The following BLOC1S3 variants were observed in gnomAD, a reference collection of about 807,000 sequenced individuals.
BLOC1S3 encodes the protein biogenesis of lysosomal organelles complex 1 subunit 3.
In BLOC1S3, 7 loss-of-function variants were observed where a neutral mutation model predicts 9.1. The ratio of observed to expected loss-of-function variants is 0.77; its 90% CI spans 0.44 to 1.45. BLOC1S3 has a LOEUF of 1.45. Ranked by LOEUF, BLOC1S3 falls within the 40% of genes most tolerant of loss-of-function variation. The pLI is 0.01. For synonymous variants in BLOC1S3, 145 were observed against 158.4 expected (o/e 0.92, Z 0.64); for missense variants, 307 against 315.2 (o/e 0.97, Z 0.20).
intron 3 of BLOC1S3, among the ~76,000 whole-genome samples, chr19:45,210,755 A>G (rs961097850): frequency 1.3e-5 from 2 of 152,190 alleles, no homozygotes; most frequent in Admixed American, 6.6e-5. Flanking sequence ...CACTGTGCCC[A>G]GCCAAAAGCT....
At chr19:45,211,515 A>G (rs1599757906) in intron 3 of BLOC1S3, among the ~76,000 whole-genome samples, 1 of 151,912 alleles carries the variant, frequency 6.6e-6, no homozygotes, top group African/African-American at 2.4e-5. Flanking sequence ...TGACTGAAAA[A>G]AAAAAAAAAA....
chr19:45,210,071 T>C (rs933745903), intron 3 of BLOC1S3, among the ~76,000 whole-genome samples: 1 of 141,668 alleles, frequency 7.1e-6, no homozygotes, highest in Admixed American at 6.8e-5. Context: ...CAAAACAAAA[T>C]TATGCACATG....
rs116505156 is a variant in BLOC1S3, at chr19:45,214,366, G to A, written n.283-2310G>A. ...CCCAAATAGCACTGCAAGGACTGGC[G>A]TTGCTCCGGCAGCCACCACCACTGC... On this transcript the variant is annotated intron_variant and non_coding_transcript_variant, in intron 3 of 3. Coordinates refer to the BLOC1S3 transcript ENST00000591569. 8.4e-3 allele frequency among the ~76,000 whole-genome samples: 1,281 copies of A among 152,264 alleles called. 12 individuals are homozygous for A. The highest frequency in any genetic ancestry group is 0.029 in the African/African-American group (1,222 of 41,546).
intron 2 of BLOC1S3, among the ~76,000 whole-genome samples, chr19:45,196,092 A>G (rs1183395146): frequency 6.6e-6 from 1 of 152,238 alleles, no homozygotes; most frequent in East Asian, 1.9e-4. Context: ...CATTTCCCAC[A>G]TGTATGGGTA....
At chr19:45,188,557 T>C (rs1321801769) in intron 2 of BLOC1S3, among the ~76,000 whole-genome samples, 2 of 117,116 alleles carry the variant, frequency 1.7e-5, no homozygotes, top group Non-Finnish European at 3.8e-5. Context: ...CTAATTATTA[T>C]TATTATTATT....
rs571717574 is a variant in BLOC1S3 at position 45,206,448 on chromosome 19, A to G, written n.282+3941A>G. On this transcript the variant is annotated intron_variant and non_coding_transcript_variant, in intron 3 of 3. Coordinates refer to the BLOC1S3 transcript ENST00000591569. ...TTTTCCACCTTCTTTTGGATTAATC[A>G]AGTTTTTTTTTTTTTTTTTTTTTTT... Among the ~76,000 whole-genome samples, 11 of 56,714 alleles carry G rather than the reference A, an allele frequency of 1.9e-4. 1 individual carries two copies. Among genetic ancestry groups the G allele is most frequent in the Non-Finnish European group, 3.6e-4 (11 of 30,224 alleles). 37.2% of individuals were successfully genotyped at this position (56,714 alleles called of 152,430 possible).
At chr19:45,209,716 C>T (rs925728633) in intron 3 of BLOC1S3, among the ~76,000 whole-genome samples, 30 of 147,482 alleles carry the variant, frequency 2.0e-4, no homozygotes, top group South Asian at 8.7e-4. Flanking sequence ...CCACCATGCC[C>T]GGCCTATTTT....
chr19:45,186,134 C>A (rs897160805), downstream of BLOC1S3, among the ~76,000 whole-genome samples: 2 of 151,922 alleles, frequency 1.3e-5, no homozygotes, highest in Admixed American at 6.6e-5. Flanking sequence ...AAAGAAACCT[C>A]TGGCTACTGA....
In BLOC1S3 at chr19:45,206,462, T is replaced by TTTTTTTTTTTTG. The variant is rs1555754632; in HGVS notation, n.282+3956_282+3967dup. Among the ~76,000 whole-genome samples, 186 of 115,486 alleles carry TTTTTTTTTTTTG rather than the reference T, an allele frequency of 1.6e-3. 21 individuals carry two copies. Among genetic ancestry groups the TTTTTTTTTTTTG allele is most frequent in the Non-Finnish European group, 2.4e-3 (135 of 56,604 alleles). 75.8% of individuals were successfully genotyped at this position (115,486 alleles called of 152,430 possible). A position where few individuals can be genotyped will look rare whatever the true frequency, so the allele number is the denominator to read the frequency against. On this transcript the variant is annotated intron_variant and non_coding_transcript_variant, in intron 3 of 3. Transcript: ENST00000591569. Reference sequence around the variant, plus strand: ...TTGGATTAATCAAGTTTTTTTTTTTTTTTTTTTTTTTGAGCAAGGATCTCA... The same window carrying TTTTTTTTTTTTG: ...TTGGATTAATCAAGTTTTTTTTTTTTTTTTTTTTTTTGTTTTTTTTTTTGAGCAAGGATCTCA...
At chr19:45,213,115 G>A in intron 3 of BLOC1S3, 1 of 1,552,946 alleles carries the variant, frequency 6.4e-7, no homozygotes, top group Non-Finnish European at 8.7e-7. Context: ...CCGGGGCCGA[G>A]GCAGACAGGC....
At chr19:45,195,055 C>T (rs544131914) in intron 2 of BLOC1S3, among the ~76,000 whole-genome samples, 2 of 151,908 alleles carry the variant, frequency 1.3e-5, no homozygotes, top group South Asian at 2.1e-4. Flanking sequence ...CCCAGCCTCC[C>T]GGTAGATGGG....
At chr19:45,198,993 C>T (rs1446363596) in intron 2 of BLOC1S3, 1 of 152,158 alleles carries the variant, frequency 6.6e-6, no homozygotes, top group Admixed American at 6.6e-5. Flanking sequence ...CAGACGTGAA[C>T]CACTGCACAC....
At chr19:45,201,202 C>CAAA (rs35443104) in intron 2 of BLOC1S3, among the ~76,000 whole-genome samples, 5 of 126,918 alleles carry the variant, frequency 3.9e-5, no homozygotes, top group African/African-American at 1.5e-4. Flanking sequence ...GACCCTGTCT[C>CAAA]AAAAAAAAAA....
chr19:45,202,083 G>A (rs553534745), intron 2 of BLOC1S3, among the ~76,000 whole-genome samples: 44 of 151,578 alleles, frequency 2.9e-4, no homozygotes, highest in Non-Finnish European at 4.6e-4. Flanking sequence ...AATTAGCTGG[G>A]CGCCTGTAAT....
At chr19:45,214,574 C>T (rs1312136018) in intron 3 of BLOC1S3, among the ~76,000 whole-genome samples, 1 of 152,112 alleles carries the variant, frequency 6.6e-6, no homozygotes, top group Non-Finnish European at 1.5e-5. Context: ...AAGCAATTCT[C>T]CTGCCTCAGC....
intron 2 of BLOC1S3, among the ~76,000 whole-genome samples, chr19:45,200,232 G>T (rs977573327): frequency 2.0e-5 from 3 of 148,082 alleles, no homozygotes; most frequent in Admixed American, 1.4e-4. Flanking sequence ...CCCAGGCTGG[G>T]GTGCAGTGAC....
intron 3 of BLOC1S3, among the ~76,000 whole-genome samples, chr19:45,215,899 G>A (rs114400517): frequency 0.011 from 1,719 of 152,316 alleles, 35 homozygotes; most frequent in African/African-American, 0.04. Flanking sequence ...AGCAGCGGCG[G>A]CAGGAGAAGG....
At chr19:45,213,434 C>T in intron 3 of BLOC1S3, 1 of 1,552,292 alleles carries the variant, frequency 6.4e-7, no homozygotes, top group Non-Finnish European at 8.7e-7. Context: ...TGGACCCCAC[C>T]TGACCCCCTC....
intron 3 of BLOC1S3, among the ~76,000 whole-genome samples, chr19:45,215,616 C>T (rs915809081): frequency 5.3e-5 from 8 of 152,164 alleles, no homozygotes; most frequent in Non-Finnish European, 7.3e-5. Context: ...AACCCTATGA[C>T]GAGAATACTA....
Sources: allele counts gnomAD v4.1 joint callset (sites outside exome capture counted in the v4.1 genomes callset), GRCh38; gene constraint gnomAD v4.1.1; transcripts MANE v1.5; gene names NCBI Gene and HGNC (gene_info 2026-07-23, HGNC 2026-07-21).